CFAP46: variants seen among roughly 807,000 people sequenced by gnomAD.
The protein encoded by CFAP46 is cilia and flagella associated protein 46.
CFAP46 carries 245 observed loss-of-function variants against 325.7 expected under a neutral mutation model. That is an observed-to-expected ratio of 0.75 (90% CI 0.68 to 0.84). The LOEUF (loss-of-function observed/expected upper bound fraction) is 0.84. Ranked by LOEUF, CFAP46 falls within the 40% of genes least tolerant of loss-of-function variation. CFAP46 has a pLI of 0.00. For missense variants in CFAP46, 3,346 were observed against 3,543.0 expected (o/e 0.94, Z 1.41); for synonymous variants, 1,523 against 1,495.9 (o/e 1.02, Z -0.42).
chr10:132,851,915 A>ACTTAGGAATT (rs1848555917), intron 39 of CFAP46, among the ~76,000 whole-genome samples: 1 of 147,072 alleles, frequency 6.8e-6, no homozygotes, highest in African/African-American at 2.5e-5. Flanking sequence ...TCCTCCATTT[A>ACTTAGGAATT]CTTAGGAATT....
intron 44 of CFAP46, among the ~76,000 whole-genome samples, chr10:132,840,442 G>A (rs1442053383): frequency 6.6e-6 from 1 of 152,156 alleles, no homozygotes; most frequent in Non-Finnish European, 1.5e-5. Flanking sequence ...CGCTGTTTCT[G>A]ATGTTGTATT....
intron 19 of CFAP46, among the ~76,000 whole-genome samples, chr10:132,911,167 G>T (rs1416298813): frequency 6.6e-6 from 1 of 152,170 alleles, no homozygotes. Flanking sequence ...ATCCCTGTAG[G>T]TCCCCGGAGC....
At chr10:132,874,016 G>A (rs1381281973) in intron 31 of CFAP46, among the ~76,000 whole-genome samples, 1 of 152,144 alleles carries the variant, frequency 6.6e-6, no homozygotes, top group East Asian at 1.9e-4. Flanking sequence ...CCAAACAGAA[G>A]CTCTGGGCTC....
chr10:132,836,264 A>G (rs1848246181), intron 45 of CFAP46, 46 bp from the exon 46 acceptor site: 7 of 1,572,472 alleles, frequency 4.5e-6, no homozygotes, highest in Non-Finnish European at 5.2e-6. Flanking sequence ...CCATGAAGGA[A>G]ACACACCTCA....
chr10:132,869,718 G>T lies in CFAP46; in HGVS notation c.4512-346C>A, dbSNP rs904060204. ...GACTCCTGTTGAAAACCCTATTCTTGTAAAATGCTTTCAGGCAAGCAGGAA... is the reference window on the plus strand; with the variant it reads ...GACTCCTGTTGAAAACCCTATTCTTTTAAAATGCTTTCAGGCAAGCAGGAA... On this transcript the variant is annotated intron_variant, in intron 32 of 57. Transcript: ENST00000368586. The surrounding 1 kb of genome is among the most constrained non-coding windows in gnomAD (Gnocchi z 6.2). Among the ~76,000 whole-genome samples the T allele has an allele frequency of 7.9e-5, 12 of 152,126 alleles. No homozygotes were observed. The highest frequency in any genetic ancestry group is 3.3e-4 in the Admixed American group (5 of 15,282).
intron 25 of CFAP46, among the ~76,000 whole-genome samples, chr10:132,891,166 G>A (rs1240366410): frequency 6.6e-6 from 1 of 152,204 alleles, no homozygotes; most frequent in Non-Finnish European, 1.5e-5. Flanking sequence ...CCACGACCAG[G>A]GGGACAGTGC....
chr10:132,926,764 G>T, intron 9 of CFAP46, 98 bp from the exon 10 acceptor site: 1 of 885,470 alleles, frequency 1.1e-6, no homozygotes, highest in Non-Finnish European at 1.8e-6. Flanking sequence ...TTACTGGGTA[G>T]AGGTTTAACA....
At chr10:132,930,974 C>T (rs1212611372) in intron 8 of CFAP46, among the ~76,000 whole-genome samples, 5 of 130,136 alleles carry the variant, frequency 3.8e-5, no homozygotes, top group African/African-American at 1.5e-4. Context: ...AGAGCCTGGG[C>T]CTCCCTACAC....
At chr10:132,824,182 A>C (rs1200649186) in intron 50 of CFAP46, among the ~76,000 whole-genome samples, 1 of 99,966 alleles carries the variant, frequency 1.0e-5, no homozygotes, top group Non-Finnish European at 1.9e-5. Context: ...GTGAGCGCTG[A>C]TGTGTGCTGT....
intron 9 of CFAP46, 159 bp downstream of exon 9, chr10:132,929,546 T>C (rs1362510211): frequency 1.2e-6 from 1 of 802,466 alleles, no homozygotes; most frequent in East Asian, 2.4e-5. Flanking sequence ...TAACTGCAAC[T>C]GTGCAAAACA....
intron 17 of CFAP46, 144 bp from the exon 18 acceptor site, chr10:132,913,402 C>T (rs886286998): frequency 1.6e-4 from 107 of 671,130 alleles, no homozygotes; most frequent in Admixed American, 5.8e-4. Context: ...ACTCCATCTG[C>T]ATTTACAGTC....
rs1415118884 is a variant in CFAP46 at position 132,941,616 on chromosome 10, C to T, written c.281G>A (p.Cys94Tyr). 1.2e-6 allele frequency: 2 copies of T among 1,613,506 alleles called. No individual in the cohort carries two copies. Among genetic ancestry groups the T allele is most frequent in the African/African-American group, 1.3e-5 (1 of 75,036 alleles). Residue 94 changes from cysteine (C) to tyrosine (Y), a missense_variant, in exon 3 of 58, where the codon TGT (cysteine) becomes TAT (tyrosine). Transcript: ENST00000368586. Reference protein sequence around the residue: ...GRAHLCRAQMCAPKSAENLEE... With the variant: ...GRAHLCRAQMYAPKSAENLEE... ...CAGGTTTTCTGCCGACTTCGGGGCA[C>T]ACATCTGGGCCCTGCACAGGTGCGC...
At chr10:132,836,992 G>A in intron 44 of CFAP46, 78 bp from the exon 45 acceptor site, 1 of 1,153,218 alleles carries the variant, frequency 8.7e-7, no homozygotes, top group Non-Finnish European at 1.3e-6. Context: ...TCATTTCCAG[G>A]AGACCTCGTG....
intron 7 of CFAP46, among the ~76,000 whole-genome samples, chr10:132,935,380 GTGAT>G (rs1849978797): frequency 4.9e-5 from 7 of 142,222 alleles, no homozygotes; most frequent in African/African-American, 2.0e-4. Flanking sequence ...CAAACACACT[GTGAT>G]CTCCTCACTC....
intron 55 of CFAP46, among the ~76,000 whole-genome samples, chr10:132,811,575 G>A (rs913188): frequency 0.057 from 8,680 of 152,266 alleles, 262 homozygotes; most frequent in African/African-American, 0.074. Context: ...AGCAGGGATC[G>A]GGGGCCAGGG....
At chr10:132,906,696 G>T (rs4391751) in intron 22 of CFAP46, among the ~76,000 whole-genome samples, 2 of 41,994 alleles carry the variant, frequency 4.8e-5, no homozygotes, top group Non-Finnish European at 8.8e-5. Context: ...GGGTCCTGGC[G>T]CGTGATGCCC....
intron 50 of CFAP46, among the ~76,000 whole-genome samples, chr10:132,816,606 T>C (rs1240645806): frequency 1.3e-5 from 2 of 152,192 alleles, no homozygotes. Flanking sequence ...GTTCTGGGAT[T>C]ACAGGCGTGA....
In CFAP46 at chr10:132,832,264, T is replaced by A. The variant is rs554554944; in HGVS notation, c.7117+1094A>T. On this transcript the variant is annotated intron_variant, in intron 50 of 57. Transcript: ENST00000368586. The surrounding 1 kb of genome is among the most constrained non-coding windows in gnomAD (Gnocchi z 4.1). Reference sequence around the variant, plus strand: ...GTCTTCCTGCTGAGGGCTCTGCAGATCTCGGAGTGGCCGTTCCTTGCAGCT... The same window carrying A: ...GTCTTCCTGCTGAGGGCTCTGCAGAACTCGGAGTGGCCGTTCCTTGCAGCT... Among the ~76,000 whole-genome samples the A allele has an allele frequency of 1.9e-3, 294 of 152,288 alleles. 1 individual carries two copies. Among genetic ancestry groups the A allele is most frequent in the Admixed American group, 4.6e-3 (71 of 15,302 alleles).
At position 132,929,256 on chromosome 10, in the gene CFAP46, G is replaced by A. The variant is rs1241105814; in HGVS notation, c.966+449C>T. 7 of 575,172 alleles carry A rather than the reference G, an allele frequency of 1.2e-5. No homozygotes were observed. The South Asian group carries it at 1.4e-4, about 11-fold the overall frequency. The allele number at this position is 575,172 out of a possible 1,614,324, so 35.6% of individuals were successfully genotyped here. A position where few individuals can be genotyped will look rare whatever the true frequency, so the allele number is the denominator to read the frequency against. ...ATCATAACACTATACTGTAACAGAA[G>A]TGATGTGGCTGTGGCCTCTCCCTCA... On this transcript the variant is annotated intron_variant, in intron 9 of 57. Coordinates refer to ENST00000368586, the MANE Select transcript of CFAP46 (RefSeq NM_001200049.3).
Sources: gnomAD v4.1 joint callset for allele counts (sites outside exome capture counted in the v4.1 genomes callset) on GRCh38, gnomAD v4.1.1 for gene constraint, Gnocchi (gnomAD v3.1) non-coding constraint, MANE v1.5 for transcripts, NCBI Gene and HGNC (gene_info 2026-07-23, HGNC 2026-07-21) for gene names.